Variants in LPP observed in about 807,000 individuals in gnomAD.
The protein encoded by LPP is LIM domain containing preferred translocation partner in lipoma, also known as lipoma-preferred partner.
LPP carries 38 observed loss-of-function variants against 60.4 expected under a neutral mutation model. The ratio of observed to expected loss-of-function variants is 0.63; its 90% CI spans 0.49 to 0.83. LPP has a LOEUF of 0.83. Ranked by LOEUF, LPP falls within the 40% of genes least tolerant of loss-of-function variation. The pLI is 0.00. For missense variants in LPP, 902 were observed against 783.6 expected (o/e 1.15, Z -1.80); for synonymous variants, 328 against 290.8 (o/e 1.13, Z -1.30).
intron 2 of LPP, among the ~76,000 whole-genome samples, chr3:188,259,923 TTC>T (rs1415864311): frequency 2.3e-4 from 35 of 151,658 alleles, no homozygotes; most frequent in Non-Finnish European, 1.3e-4. Flanking sequence ...TTAAATGACC[TTC>T]TTTTTTTTTT....
intron 9 of LPP, among the ~76,000 whole-genome samples, chr3:188,800,842 A>G (rs1182845859): frequency 6.6e-6 from 1 of 151,952 alleles, no homozygotes; most frequent in East Asian, 1.9e-4. Context: ...TTGCCTATTC[A>G]TATCCTTTAT....
intron 4 of LPP, 142 bp downstream of exon 4, chr3:188,406,455 CCCCCGGAAATAGTCTAGACCAA>C: frequency 4.0e-6 from 3 of 755,530 alleles, no homozygotes; most frequent in Non-Finnish European, 6.3e-6. Context: ...AGTAAAGGAG[CCCCCGGAAATAGTCTAGACCAA>C]CCCCGTCTTT....
At chr3:188,207,982 C>T (rs573392130) in intron 1 of LPP, among the ~76,000 whole-genome samples, 4 of 152,316 alleles carry the variant, frequency 2.6e-5, no homozygotes, top group South Asian at 2.1e-4. Context: ...GCTGTAACAT[C>T]CCTGGGGATT....
intron 6 of LPP, among the ~76,000 whole-genome samples, chr3:188,564,744 T>C (rs778866353): frequency 1.3e-4 from 20 of 152,006 alleles, no homozygotes; most frequent in Non-Finnish European, 1.3e-4. Context: ...TGGAATATCA[T>C]TGAGGACACA....
At chr3:188,792,628 G>A (rs958347025) in intron 9 of LPP, among the ~76,000 whole-genome samples, 2 of 151,958 alleles carry the variant, frequency 1.3e-5, no homozygotes, top group African/African-American at 4.8e-5. Flanking sequence ...TTTTTTCTAG[G>A]TGTAAACAAA....
In LPP at chr3:188,683,143, G is replaced by A. The variant is rs75835093; in HGVS notation, c.1114-25124G>A. ...CACATGTTATGTTACCGACTCTGTGGCAATGGCTGTGAGTAGTCCAGGAAC... is the reference window on the plus strand; with the variant it reads ...CACATGTTATGTTACCGACTCTGTGACAATGGCTGTGAGTAGTCCAGGAAC... On this transcript the variant is annotated intron_variant, in intron 7 of 11. Coordinates refer to ENST00000617246, the MANE Select transcript of LPP (RefSeq NM_001375462.1). Among the ~76,000 whole-genome samples, 62 of 152,162 alleles carry A rather than the reference G, an allele frequency of 4.1e-4. No individual in the cohort carries two copies. The East Asian group carries it at 9.5e-3, about 23-fold the overall frequency.
chr3:188,314,447 C>T (rs6806296), intron 2 of LPP, among the ~76,000 whole-genome samples: 152,255 of 152,276 alleles, frequency 1, 76,117 homozygotes, highest in Middle Eastern at 1. Context: ...AATTTTCAAA[C>T]ATGAAATCTT....
chr3:188,190,575 G>A (rs1165699928), intron 1 of LPP, among the ~76,000 whole-genome samples: 2 of 152,214 alleles, frequency 1.3e-5, no homozygotes, highest in African/African-American at 4.8e-5. Flanking sequence ...ATAAGTGCTT[G>A]CATTCTAGGA....
At chr3:188,290,033 G>C (rs918363252) in intron 2 of LPP, among the ~76,000 whole-genome samples, 2 of 151,960 alleles carry the variant, frequency 1.3e-5, no homozygotes, top group African/African-American at 2.4e-5. Context: ...CTATCGCCCA[G>C]GATGGAGTGC....
At chr3:188,233,041 A>G (rs1264866079) in intron 2 of LPP, among the ~76,000 whole-genome samples, 5 of 152,106 alleles carry the variant, frequency 3.3e-5, no homozygotes, top group Admixed American at 6.5e-5. Flanking sequence ...CCATTATCTC[A>G]TGTCCTGTTT....
chr3:188,581,393 G>A (rs1259839903), intron 6 of LPP, among the ~76,000 whole-genome samples: 1 of 152,184 alleles, frequency 6.6e-6, no homozygotes, highest in Admixed American at 6.5e-5. Context: ...GGGTCAGACA[G>A]TCTTTTGTAT....
chr3:188,742,390 C>T (rs1308152532), intron 8 of LPP, among the ~76,000 whole-genome samples: 1 of 151,814 alleles, frequency 6.6e-6, no homozygotes, highest in Non-Finnish European at 1.5e-5. Context: ...GGAAACAACC[C>T]AAATGTTCAT....
chr3:188,606,257 C>CAT (rs1396010638), intron 6 of LPP, among the ~76,000 whole-genome samples: 10 of 152,158 alleles, frequency 6.6e-5, no homozygotes, highest in African/African-American at 2.4e-4. Flanking sequence ...GGGCCATGTA[C>CAT]ATAATACCTG....
intron 3 of LPP, among the ~76,000 whole-genome samples, chr3:188,368,857 C>T (rs1050498670): frequency 2.6e-5 from 4 of 151,918 alleles, no homozygotes; most frequent in Non-Finnish European, 4.4e-5. Flanking sequence ...CGGGTCAGTC[C>T]TTTGATACTA....
intron 2 of LPP, among the ~76,000 whole-genome samples, chr3:188,270,661 T>A (rs1195492327): frequency 6.6e-6 from 1 of 152,168 alleles, no homozygotes; most frequent in Non-Finnish European, 1.5e-5. Context: ...TCCTCAGAAA[T>A]GTGCATTCAT....
intron 4 of LPP, among the ~76,000 whole-genome samples, chr3:188,464,329 T>G (rs1474922840): frequency 6.6e-6 from 1 of 152,206 alleles, no homozygotes; most frequent in African/African-American, 2.4e-5. Flanking sequence ...GAAGTTGAAT[T>G]TAAATCTACA....
At chr3:188,598,782 A>C (rs1377188216) in intron 6 of LPP, among the ~76,000 whole-genome samples, 1 of 152,152 alleles carries the variant, frequency 6.6e-6, no homozygotes, top group Admixed American at 6.6e-5. Context: ...TGTGCGTTTT[A>C]ATAGCTCTTC....
At chr3:188,378,680 C>T (rs1053201333) in intron 3 of LPP, among the ~76,000 whole-genome samples, 1 of 152,156 alleles carries the variant, frequency 6.6e-6, no homozygotes, top group Admixed American at 6.5e-5. Flanking sequence ...TGATGCCTCA[C>T]CCTGCTTCGG....
At chr3:188,240,661 C>T (rs2149455061) in intron 2 of LPP, among the ~76,000 whole-genome samples, 1 of 151,854 alleles carries the variant, frequency 6.6e-6, no homozygotes, top group South Asian at 2.1e-4. Flanking sequence ...CATAACTATC[C>T]AATCATGTCA....
Sources: allele counts gnomAD v4.1 joint callset (sites outside exome capture counted in the v4.1 genomes callset), GRCh38; gene constraint gnomAD v4.1.1; transcripts MANE v1.5; gene names NCBI Gene and HGNC (gene_info 2026-07-23, HGNC 2026-07-21).